Variants in LMF1 observed in about 807,000 individuals in gnomAD.
LMF1 encodes transmembrane protein 112.
A neutral mutation model predicts 60.6 loss-of-function variants in LMF1; 68 were observed. That is an observed-to-expected ratio of 1.12 (90% CI 0.92 to 1.37). LMF1 has a LOEUF of 1.37. Ranked by LOEUF, LMF1 falls within the 40% of genes most tolerant of loss-of-function variation. LMF1 has a pLI of 0.00. For missense variants in LMF1, 948 were observed against 767.2 expected, an observed-to-expected ratio of 1.24 and a Z score of -2.78; for synonymous variants, 418 against 324.7, an observed-to-expected ratio of 1.29 and a Z score of -3.09.
chr16:855,972 G>A (rs1224387415), intron 10 of LMF1: 4 of 455,872 alleles, frequency 8.8e-6, no homozygotes, highest in Admixed American at 7.1e-5. Flanking sequence ...GATGGATGAT[G>A]ATTCTTCTCT....
At chr16:887,137 G>T (rs910711201) in intron 5 of LMF1, 1 of 152,124 alleles carries the variant, frequency 6.6e-6, no homozygotes, top group African/African-American at 2.4e-5. Context: ...CCCACAGTCT[G>T]AGCGGGCTGG....
At chr16:860,569 G>C (rs1280177066) in intron 10 of LMF1, among the ~76,000 whole-genome samples, 4 of 152,120 alleles carry the variant, frequency 2.6e-5, no homozygotes, top group Non-Finnish European at 4.4e-5. Flanking sequence ...TCAAACTCCT[G>C]AGGTCAAGCA....
chr16:910,477 G>A (rs761927733), intron 4 of LMF1, among the ~76,000 whole-genome samples: 6 of 152,230 alleles, frequency 3.9e-5, no homozygotes, highest in Admixed American at 6.5e-5. Flanking sequence ...TTCCCTGAGC[G>A]TCAGGACGGC....
intron 1 of LMF1, among the ~76,000 whole-genome samples, chr16:964,522 T>C (rs749653765): frequency 1.4e-4 from 21 of 152,282 alleles, no homozygotes; most frequent in Non-Finnish European, 2.6e-4. Flanking sequence ...GTTTGCTTTT[T>C]AAACAAGCAA....
intron 4 of LMF1, among the ~76,000 whole-genome samples, chr16:907,866 T>C (rs1052769327): frequency 1.3e-5 from 2 of 152,172 alleles, no homozygotes. Context: ...GATAATTTCT[T>C]CTCCAGCTGG....
rs2072586689 is a variant in LMF1 at position 953,987 on chromosome 16, ACCCCAAAC to A, written c.503+362_503+369del. Reference sequence around the variant, plus strand: ...CAGCCTCCTACATGTCCACACAGACACCCCAAACCAGCCTCCTACACGTCCACACAGAC... The same window carrying A: ...CAGCCTCCTACATGTCCACACAGACACAGCCTCCTACACGTCCACACAGAC... On this transcript the variant is annotated intron_variant, in intron 2 of 10. Transcript: ENST00000262301. 3.0e-5 allele frequency among the ~76,000 whole-genome samples: 2 copies of A among 66,510 alleles called. 1 individual carries two copies. The highest frequency in any genetic ancestry group is 1.1e-4 in the African/African-American group (2 of 18,778). The allele number at this position is 66,510 out of a possible 152,430, so 43.6% of individuals were successfully genotyped here. A position where few individuals can be genotyped will look rare whatever the true frequency, so the allele number is the denominator to read the frequency against.
rs143094037 is a variant in LMF1 at position 857,184 on chromosome 16, C to T, written c.1530-2478G>A. 5.6e-3 allele frequency among the ~76,000 whole-genome samples: 846 copies of T among 152,348 alleles called. 14 individuals carry two copies. Among genetic ancestry groups the T allele is most frequent in the African/African-American group, 0.019 (809 of 41,578 alleles). On this transcript the variant is annotated intron_variant, in intron 10 of 10. Coordinates refer to ENST00000262301, the MANE Select transcript of LMF1 (RefSeq NM_022773.4). ...GCTCTCTTGTGGAAGGACAGCTGAG[C>T]TCTTTGCAGTTTTTGTCTGTGACGG...
intron 2 of LMF1, among the ~76,000 whole-genome samples, chr16:941,376 T>A (rs2072097271): frequency 6.6e-6 from 1 of 151,998 alleles, no homozygotes; most frequent in Non-Finnish European, 1.5e-5. Flanking sequence ...CGTGCAACTA[T>A]GCCCGGGTAA....
Position 954,404 on chromosome 16 carries a change from A to C in LMF1, c.456T>G (p.Ala152=). ...GGGACATGTAGAGGCCCCACAGGGC[A>C]GCCATGAGAAGCATGTTGGCGCAGC... ...ITGCANMLLM[A]ALWGLYMSLV... Residue 152 remains alanine, a synonymous_variant, in exon 2 of 11, where the codon GCT becomes GCG. Transcript: ENST00000262301. The C allele has an allele frequency of 6.2e-7, 1 of 1,613,124 alleles. No homozygotes were observed. Among genetic ancestry groups the C allele is most frequent in the Non-Finnish European group, 8.5e-7 (1 of 1,179,754 alleles).
In LMF1 at chr16:966,108, G is replaced by A. The variant is rs868495228; in HGVS notation, c.193+4680C>T. 6.6e-5 allele frequency among the ~76,000 whole-genome samples: 10 copies of A among 152,266 alleles called. No homozygotes were observed. The South Asian group carries it at 1.9e-3, about 28-fold the overall frequency. On this transcript the variant is annotated intron_variant, in intron 1 of 10. Transcript: ENST00000262301. ...GGCCAGAAGGGTGTCGGCAGCCACG[G>A]AGAGAACAAGTACAGTTAACCCTGG...
rs2071464868 is a variant in LMF1, at chr16:922,609, G to GTGGTGTTGGTGCGTGTTGTTGCGAA, written c.515-11555_515-11531dup. 2.8e-5 allele frequency among the ~76,000 whole-genome samples: 4 copies of GTGGTGTTGGTGCGTGTTGTTGCGAA among 141,278 alleles called. 1 individual carries two copies. Among genetic ancestry groups the GTGGTGTTGGTGCGTGTTGTTGCGAA allele is most frequent in the Non-Finnish European group, 4.9e-5 (3 of 61,408 alleles). The allele number at this position is 141,278 out of a possible 152,430, so 92.7% of individuals were successfully genotyped here. On this transcript the variant is annotated intron_variant, in intron 3 of 10. Coordinates refer to ENST00000262301, the MANE Select transcript of LMF1 (RefSeq NM_022773.4). ...AGTCGCCTCGGTTTTCTGGTGTGAT[G>GTGGTGTTGGTGCGTGTTGTTGCGAA]TGGTGTTGGTGCGTGTTGTTGCGAA...
intron 4 of LMF1, chr16:901,949 G>C (rs1439654174): frequency 6.5e-6 from 1 of 152,732 alleles, no homozygotes; most frequent in Non-Finnish European, 1.5e-5. Flanking sequence ...AGAGCAGTGG[G>C]GGGTGGGGTG....
At chr16:950,449 T>TTA (rs2072417690) in intron 2 of LMF1, among the ~76,000 whole-genome samples, 1 of 72,342 alleles carries the variant, frequency 1.4e-5, no homozygotes, top group Non-Finnish European at 2.5e-5. Context: ...AACGACAGAG[T>TTA]CAGCCAACGA....
intron 1 of LMF1, among the ~76,000 whole-genome samples, chr16:955,384 C>A (rs74207866): frequency 1.0e-5 from 1 of 98,250 alleles, no homozygotes; most frequent in Non-Finnish European, 2.0e-5. Context: ...CCGCAGCAGA[C>A]GCGGTGTGTG....
intron 1 of LMF1, chr16:979,642 C>A (rs779249706): frequency 4.4e-6 from 2 of 453,952 alleles, no homozygotes; most frequent in East Asian, 1.4e-4. Flanking sequence ...GGATGGGGAG[C>A]CAGGAAGAGG....
intron 2 of LMF1, among the ~76,000 whole-genome samples, chr16:951,148 G>A (rs1270213317): frequency 6.8e-6 from 1 of 148,036 alleles, no homozygotes; most frequent in African/African-American, 2.5e-5. Context: ...GTCAGCCAAC[G>A]ACAGAGTCAG....
In LMF1 at chr16:976,124, G is replaced by A. The variant is rs149618327; in HGVS notation, c.-135+5021C>T. On this transcript the variant is annotated intron_variant, in intron 1 of 6. Transcript: ENST00000570014. ...TGGAGTCAGTCCTCTCCTGCTGATG[G>A]GCTGAGAGAGCCCCCCAGGCCCTGT... 2.6e-3 allele frequency: 1,116 copies of A among 422,614 alleles called. 13 individuals are homozygous for A. In the African/African-American group the frequency reaches 0.028, roughly 11 times the overall value. 26.2% of individuals were successfully genotyped at this position (422,614 alleles called of 1,614,324 possible).
chr16:966,147 AG>A (rs561830143), intron 1 of LMF1, among the ~76,000 whole-genome samples: 7,443 of 152,262 alleles, frequency 0.049, 194 homozygotes, highest in Non-Finnish European at 0.065. Context: ...GGCAGAGGCC[AG>A]GTGGTCTCAG....
intron 3 of LMF1, among the ~76,000 whole-genome samples, chr16:932,572 G>A (rs12598467): frequency 0.1 from 15,535 of 152,164 alleles, 809 homozygotes; most frequent in South Asian, 0.15. Context: ...ATACTGTTGT[G>A]ATTGTACAAT....
Sources: allele counts gnomAD v4.1 joint callset (sites outside exome capture counted in the v4.1 genomes callset), GRCh38; gene constraint gnomAD v4.1.1; transcripts MANE v1.5; gene names NCBI Gene and HGNC (gene_info 2026-07-23, HGNC 2026-07-21).